RNF150: variants seen among roughly 807,000 people sequenced by gnomAD.
RNF150 encodes ring finger protein 150.
Under a neutral mutation model 39.3 loss-of-function variants are expected in RNF150, and 24 were observed. The ratio of observed to expected loss-of-function variants is 0.61; its 90% CI spans 0.44 to 0.86. RNF150 has a LOEUF of 0.86. Among genes scored for constraint, RNF150 ranks in the 40% least tolerant of loss-of-function variants. The probability of loss-of-function intolerance (pLI) is 0.00; values close to 1 mark genes in which losing one functional copy is unlikely to be tolerated. For synonymous variants in RNF150, 255 were observed against 227.3 expected (o/e 1.12, Z -1.10); for missense variants, 502 against 587.8 (o/e 0.85, Z 1.51).
chr4:141,065,446 A>G (rs1205436415), intron 1 of RNF150, among the ~76,000 whole-genome samples: 5 of 152,154 alleles, frequency 3.3e-5, no homozygotes, highest in East Asian at 1.9e-4. Flanking sequence ...AAATATAGGG[A>G]AAAAAATCCT....
intron 2 of RNF150, among the ~76,000 whole-genome samples, chr4:140,960,912 C>T (rs1183478778): frequency 4.6e-5 from 7 of 152,090 alleles, no homozygotes; most frequent in South Asian, 2.1e-4. Context: ...TAATATGTCA[C>T]GCATATTTTC....
chr4:141,048,006 T>G (rs1379548382), intron 1 of RNF150, among the ~76,000 whole-genome samples: 1 of 152,094 alleles, frequency 6.6e-6, no homozygotes, highest in Non-Finnish European at 1.5e-5. Context: ...CGTCTGTGAG[T>G]GTGCTACCAT....
chr4:141,025,290 A>T (rs1735654701), intron 1 of RNF150, among the ~76,000 whole-genome samples: 1 of 152,184 alleles, frequency 6.6e-6, no homozygotes, highest in Non-Finnish European at 1.5e-5. Context: ...ATAGTCATTC[A>T]ATCAGTTATT....
At chr4:140,944,997 A>G (rs1012542974) in intron 4 of RNF150, among the ~76,000 whole-genome samples, 1 of 152,242 alleles carries the variant, frequency 6.6e-6, no homozygotes, top group Admixed American at 6.5e-5. Flanking sequence ...CTACATGGAA[A>G]AAATGTATGA....
chr4:141,124,878 A>G (rs560428048), intron 1 of RNF150, among the ~76,000 whole-genome samples: 16 of 152,356 alleles, frequency 1.1e-4, no homozygotes, highest in Middle Eastern at 3.4e-3. Context: ...TATTTCTAAA[A>G]TATTTTTAAA....
chr4:141,013,985 C>T (rs1049731012), intron 1 of RNF150, among the ~76,000 whole-genome samples: 5 of 152,156 alleles, frequency 3.3e-5, no homozygotes, highest in Non-Finnish European at 7.4e-5. Flanking sequence ...CATTCCCTCC[C>T]TCCCCTGAGC....
At chr4:140,975,735 C>T (rs1231317956) in intron 1 of RNF150, among the ~76,000 whole-genome samples, 1 of 152,076 alleles carries the variant, frequency 6.6e-6, no homozygotes, top group Non-Finnish European at 1.5e-5. Flanking sequence ...CCAGAAGATC[C>T]AGAACAGAGT....
chr4:141,154,049 T>C (rs1727343989), intron 1 of RNF150, among the ~76,000 whole-genome samples: 1 of 152,240 alleles, frequency 6.6e-6, no homozygotes, highest in Non-Finnish European at 1.5e-5. Flanking sequence ...TCTCATCAGT[T>C]TGCTGTGAGT....
chr4:140,953,823 AC>A (rs1372564183), intron 2 of RNF150, among the ~76,000 whole-genome samples: 3 of 152,210 alleles, frequency 2.0e-5, no homozygotes, highest in African/African-American at 7.2e-5. Context: ...ATAAGTAAAA[AC>A]ATAAACATTC....
intron 2 of RNF150, among the ~76,000 whole-genome samples, chr4:140,955,494 T>C (rs897894852): frequency 6.6e-6 from 1 of 152,160 alleles, no homozygotes; most frequent in Non-Finnish European, 1.5e-5. Flanking sequence ...TAACATAAGG[T>C]ATGTAAAGTA....
At chr4:141,072,545 C>G (rs1175163409) in intron 1 of RNF150, among the ~76,000 whole-genome samples, 1 of 152,172 alleles carries the variant, frequency 6.6e-6, no homozygotes, top group Non-Finnish European at 1.5e-5. Context: ...ATGGAACATT[C>G]TAATTGTATA....
rs534555478 is a variant in RNF150, at chr4:141,118,861, A to T, written c.484+13464T>A. On this transcript the variant is annotated intron_variant, in intron 1 of 6. Transcript: ENST00000515673. ...CTACAACCTCCGACTCCTGGGTTCA[A>T]GCGATTCTCCTGCCTCAGCCTCCCG... Among the ~76,000 whole-genome samples the T allele has an allele frequency of 7.2e-5, 11 of 152,210 alleles. No individual in the cohort carries two copies. The East Asian group carries it at 2.1e-3, about 30-fold the overall frequency.
intron 1 of RNF150, among the ~76,000 whole-genome samples, chr4:141,164,982 A>C (rs1283737426): frequency 6.6e-6 from 1 of 152,224 alleles, no homozygotes; most frequent in Non-Finnish European, 1.5e-5. Context: ...TAAATGCCCC[A>C]ATTAAAAGAC....
intron 1 of RNF150, among the ~76,000 whole-genome samples, chr4:141,149,338 C>T (rs1727257850): frequency 6.6e-6 from 1 of 151,828 alleles, no homozygotes; most frequent in African/African-American, 2.4e-5. Flanking sequence ...ACCCAGCACC[C>T]CAGCAGTGTA....
chr4:141,154,726 C>T (rs1026467476), intron 1 of RNF150, among the ~76,000 whole-genome samples: 7 of 152,110 alleles, frequency 4.6e-5, no homozygotes, highest in Admixed American at 1.3e-4. Context: ...TTAAAGAAAT[C>T]GTATCATGAG....
chr4:140,928,838 G>A (rs1416044972), intron 4 of RNF150, among the ~76,000 whole-genome samples: 1 of 152,144 alleles, frequency 6.6e-6, no homozygotes, highest in Non-Finnish European at 1.5e-5. Flanking sequence ...GAGCCACCGC[G>A]CCCGGCCCTG....
chr4:141,158,594 C>T (rs1362044098), intron 1 of RNF150, among the ~76,000 whole-genome samples: 1 of 152,162 alleles, frequency 6.6e-6, no homozygotes, highest in Non-Finnish European at 1.5e-5. Flanking sequence ...AGTGTATTAA[C>T]ATTTACCAAA....
chr4:141,179,100 T>C (rs1192522584), intron 1 of RNF150, among the ~76,000 whole-genome samples: 4 of 152,184 alleles, frequency 2.6e-5, no homozygotes, highest in Non-Finnish European at 4.4e-5. Flanking sequence ...TATTATATAT[T>C]AAGATCTCGT....
chr4:141,208,763 C>T (rs948427334), intron 1 of RNF150, among the ~76,000 whole-genome samples: 1 of 152,132 alleles, frequency 6.6e-6, no homozygotes, highest in African/African-American at 2.4e-5. Context: ...ACAAGTTTGC[C>T]TGCCACTGTT....
Sources: gnomAD v4.1 joint callset for allele counts (sites outside exome capture counted in the v4.1 genomes callset) on GRCh38, gnomAD v4.1.1 for gene constraint, MANE v1.5 for transcripts, NCBI Gene and HGNC (gene_info 2026-07-23, HGNC 2026-07-21) for gene names.